TMC6: variants seen among roughly 807,000 people sequenced by gnomAD.
TMC6 encodes the protein transmembrane channel like 6, also known as transmembrane channel-like protein 6.
In TMC6, 71 loss-of-function variants were observed where a neutral mutation model predicts 95.4. That is an observed-to-expected ratio of 0.74 (90% CI 0.61 to 0.91). TMC6 has a LOEUF of 0.91. Among genes scored for constraint, TMC6 ranks in the 40% least tolerant of loss-of-function variants. The pLI, the probability that TMC6 is intolerant of heterozygous loss-of-function variation, is 0.00. For missense variants in TMC6, 1,074 were observed against 1,079.1 expected, an observed-to-expected ratio of 1.00 and a Z score of 0.07; for synonymous variants, 514 against 483.1, an observed-to-expected ratio of 1.06 and a Z score of -0.84.
At chr17:78,124,843 G>A in intron 7 of TMC6, 46 bp downstream of exon 7, 1 of 1,579,100 alleles carries the variant, frequency 6.3e-7, no homozygotes, top group Non-Finnish European at 8.6e-7. Flanking sequence ...GGCCACCCCA[G>A]CCCTGCCCAG....
upstream of TMC6, chr17:78,131,441 C>G (rs2074961652): frequency 2.6e-6 from 3 of 1,175,944 alleles, no homozygotes; most frequent in Admixed American, 2.1e-5. Context: ...GCCCAGGCCC[C>G]GACGCCGGCG....
chr17:78,121,664 G>A lies in TMC6; in HGVS notation c.1275C>T (p.Cys425=), dbSNP rs773929856. 3.9e-5 allele frequency: 62 copies of A among 1,601,756 alleles called. No individual in the cohort carries two copies. Among genetic ancestry groups the A allele is most frequent in the South Asian group, 1.8e-4 (16 of 90,314 alleles). The part of the protein sequence containing the change: ...WQLRHSPRSV[C]GRLRQAAVLG... ...GCACAGCCGCCTGCCGCAGCCTCCC[G>A]CACACGCTCCTGGGGCTGTGCCGCA... Residue 425 remains cysteine (C), a synonymous_variant, in exon 11 of 20, where the codon TGC becomes TGT. Coordinates refer to ENST00000590602, the MANE Select transcript of TMC6 (RefSeq NM_001127198.5). This position sits in a 1 kb window ranked among gnomAD's most constrained non-coding sequence, Gnocchi z 5.6.
chr17:78,131,806 G>C (rs903524778), upstream of TMC6: 2 of 1,520,036 alleles, frequency 1.3e-6, no homozygotes, highest in African/African-American at 2.8e-5. Context: ...CGGATGGTGT[G>C]GGAGCACCCC....
chr17:78,112,387 C>T lies in TMC6; in HGVS notation c.*761G>A, dbSNP rs372232962. 4.7e-4 allele frequency: 86 copies of T among 181,800 alleles called. No individual in the cohort carries two copies. Among genetic ancestry groups the T allele is most frequent in the Middle Eastern group, 5.0e-3 (2 of 400 alleles). 11.3% of individuals were successfully genotyped at this position (181,800 alleles called of 1,614,324 possible). On this transcript the variant is annotated 3_prime_UTR_variant, in exon 20 of 20. Transcript: ENST00000590602. ...CCCTGTGCCCACCCCCCACAGCCTACGGTTTTCGGTATCCCACGGGCTCCT... is the reference window on the plus strand; with the variant it reads ...CCCTGTGCCCACCCCCCACAGCCTATGGTTTTCGGTATCCCACGGGCTCCT...
At chr17:78,131,426 C>A, upstream of TMC6, 2 of 966,686 alleles carry the variant, frequency 2.1e-6, no homozygotes, top group Non-Finnish European at 1.6e-6. Context: ...CCTAGGGCTG[C>A]AGGAGCCCAG....
intron 4 of TMC6, 126 bp downstream of exon 4, chr17:78,126,151 G>T: frequency 1.5e-6 from 2 of 1,368,236 alleles, no homozygotes; most frequent in Non-Finnish European, 2.0e-6. Flanking sequence ...CCCGCCCTGG[G>T]CCTGGCTCTG....
chr17:78,125,042 T>C, intron 6 of TMC6, 57 bp from the exon 7 acceptor site: 1 of 1,542,860 alleles, frequency 6.5e-7, no homozygotes, highest in Non-Finnish European at 8.7e-7. Flanking sequence ...ACTCTCTCCT[T>C]CCTGGAGACC....
Position 78,119,106 on chromosome 17 carries a change from C to G in TMC6, c.1812-60G>C, listed in dbSNP as rs1246480655. The G allele has an allele frequency of 3.9e-6, 6 of 1,536,960 alleles. No individual in the cohort carries two copies. The East Asian group carries it at 1.5e-4, about 37-fold the overall frequency. On this transcript the variant is annotated intron_variant, in intron 14 of 19. Transcript: ENST00000590602. ...GTGCCCTCCCCTCCCCGAGATCAGG[C>G]TGGTTCCAGACCACGGGCAGGGCAT...
chr17:78,132,055 C>T, upstream of TMC6: 3 of 1,534,828 alleles, frequency 2.0e-6, no homozygotes, highest in South Asian at 3.6e-5. Flanking sequence ...ACCCGCACCT[C>T]CCCTTGCCCT....
Position 78,117,949 on chromosome 17 carries a change from C to A in TMC6, c.1888-14G>T. On this transcript the variant is annotated splice_polypyrimidine_tract_variant and intron_variant, in intron 15 of 19. Transcript: ENST00000590602. ...CAGAAGGCTGGTCTGTGGGGAAAGG[C>A]TGCGCTCTGCCACCATCCTGCTACC... 2 of 1,592,492 alleles carry A rather than the reference C, an allele frequency of 1.3e-6. No individual in the cohort carries two copies. The highest frequency in any genetic ancestry group is 1.3e-5 in the African/African-American group (1 of 74,940).
At position 78,124,027 on chromosome 17, in the gene TMC6, G is replaced by A. The variant is rs749106566; in HGVS notation, c.1044C>T (p.Gly348=). The change falls in exon 9 of 20, where the codon GGC becomes GGT. Residue 348 remains glycine (G), a synonymous_variant. Coordinates refer to ENST00000590602, the MANE Select transcript of TMC6 (RefSeq NM_001127198.5). ...TGATGCAGGTGATAAAGAAGCTCAC[G>A]CCCACAGTGGAGAGGTAGGCCAGGG... ...NMPLAYLSTV[G]VSFFITCITL... is the part of the protein sequence containing the mutation. 10 of 1,613,628 alleles carry A rather than the reference G, an allele frequency of 6.2e-6. No individual in the cohort carries two copies. Among genetic ancestry groups the A allele is most frequent in the South Asian group, 4.4e-5 (4 of 91,090 alleles).
intron 5 of TMC6, 32 bp downstream of exon 5, chr17:78,125,694 C>T (rs759642984): frequency 9.7e-6 from 15 of 1,553,418 alleles, no homozygotes; most frequent in African/African-American, 9.6e-5. Flanking sequence ...GGCCGGTGTC[C>T]GCCACTGGGG....
chr17:78,115,218 T>A (rs1049678334), intron 18 of TMC6, among the ~76,000 whole-genome samples: 2 of 152,194 alleles, frequency 1.3e-5, no homozygotes, highest in Admixed American at 6.5e-5. Context: ...CCCTGGATCC[T>A]GGCACCAACT....
upstream of TMC6, chr17:78,131,776 G>GA: frequency 6.4e-7 from 1 of 1,556,472 alleles, no homozygotes; most frequent in Non-Finnish European, 8.7e-7. Flanking sequence ...CGTGGGGGGG[G>GA]TGCTGCGAGG....
intron 9 of TMC6, among the ~76,000 whole-genome samples, chr17:78,123,493 G>A (rs150418144): frequency 5.9e-5 from 9 of 151,748 alleles, no homozygotes; most frequent in Non-Finnish European, 1.0e-4. Flanking sequence ...ATGAATGGGT[G>A]GATGGGTGGG....
chr17:78,115,624 G>C (rs1402434810), intron 18 of TMC6, among the ~76,000 whole-genome samples: 1 of 147,520 alleles, frequency 6.8e-6, no homozygotes, highest in East Asian at 2.0e-4. Flanking sequence ...GAGGAGCGAA[G>C]GGAGTGGGCA....
At chr17:78,126,469 G>A in intron 3 of TMC6, 55 bp downstream of exon 3, 1 of 1,610,418 alleles carries the variant, frequency 6.2e-7, no homozygotes, top group African/African-American at 1.3e-5. Context: ...CGTCCTGAGG[G>A]GCTGGGGCAC....
intron 18 of TMC6, chr17:78,113,852 A>C (rs2073919173): frequency 1.8e-6 from 1 of 562,812 alleles, no homozygotes; most frequent in Non-Finnish European, 3.2e-6. Flanking sequence ...CCAAAGTGAA[A>C]AGGGAAATGT....
At chr17:78,127,148 T>G in intron 1 of TMC6, 1 of 523,368 alleles carries the variant, frequency 1.9e-6, no homozygotes, top group Non-Finnish European at 3.5e-6. Context: ...GGGTCTGCAG[T>G]TCCACATCTG....
Sources: gnomAD v4.1 joint callset for allele counts (sites outside exome capture counted in the v4.1 genomes callset) on GRCh38, gnomAD v4.1.1 for gene constraint, Gnocchi (gnomAD v3.1) non-coding constraint, MANE v1.5 for transcripts, NCBI Gene and HGNC (gene_info 2026-07-23, HGNC 2026-07-21) for gene names.